ZMIZ1: variants seen among roughly 807,000 people sequenced by gnomAD.
The protein encoded by ZMIZ1 is zinc finger MIZ-type containing 1.
Under a neutral mutation model 113.9 loss-of-function variants are expected in ZMIZ1, and 17 were observed. The ratio of observed to expected loss-of-function variants is 0.15; its 90% CI spans 0.10 to 0.22. ZMIZ1 has a LOEUF of 0.22. Among genes scored for constraint, ZMIZ1 ranks in the 10% least tolerant of loss-of-function variants. The pLI, the probability that ZMIZ1 is intolerant of heterozygous loss-of-function variation, is 1.00. For synonymous variants in ZMIZ1, 607 were observed against 603.1 expected (o/e 1.01, Z -0.09); for missense variants, 1,059 against 1,477.8 (o/e 0.72, Z 4.65).
At chr10:79,095,965 G>A (rs914348069) in intron 1 of ZMIZ1, among the ~76,000 whole-genome samples, 12 of 152,212 alleles carry the variant, frequency 7.9e-5, no homozygotes, top group African/African-American at 2.9e-4. Flanking sequence ...GAGGCAGGTG[G>A]GGCCACAGGC....
intron 24 of ZMIZ1, among the ~76,000 whole-genome samples, chr10:79,311,443 C>G (rs2132112202): frequency 6.6e-6 from 1 of 152,312 alleles, no homozygotes; most frequent in Non-Finnish European, 1.5e-5. Context: ...GACCCACCTT[C>G]TGACCCAAGC....
chr10:79,124,861 A>G (rs982655891), intron 2 of ZMIZ1, among the ~76,000 whole-genome samples: 1 of 152,196 alleles, frequency 6.6e-6, no homozygotes, highest in Non-Finnish European at 1.5e-5. Context: ...AGGGCCTTGA[A>G]TGCTAGGCCA....
intron 7 of ZMIZ1, chr10:79,243,664 C>CGCCGCG (rs1227740435): frequency 3.3e-6 from 1 of 300,766 alleles, no homozygotes; most frequent in Non-Finnish European, 6.6e-6. Flanking sequence ...CGGAGTCGCT[C>CGCCGCG]GCCGCGGCCG....
chr10:79,306,832 C>A (rs1032527041), intron 22 of ZMIZ1, among the ~76,000 whole-genome samples: 22 of 152,308 alleles, frequency 1.4e-4, no homozygotes, highest in African/African-American at 5.1e-4. Context: ...GATCTTAGGT[C>A]CCCATGAGAG....
intron 7 of ZMIZ1, among the ~76,000 whole-genome samples, chr10:79,266,584 A>C (rs1436018854): frequency 6.6e-6 from 1 of 152,138 alleles, no homozygotes; most frequent in East Asian, 1.9e-4. Context: ...ACAGAAGCAC[A>C]CACATGGCCC....
chr10:79,111,480 G>T (rs1051590546), intron 1 of ZMIZ1, among the ~76,000 whole-genome samples: 3 of 152,204 alleles, frequency 2.0e-5, no homozygotes, highest in Admixed American at 2.0e-4. Flanking sequence ...CCAAAGAGCA[G>T]AGTCTTTCCT....
Position 79,306,387 on chromosome 10 carries a change from C to T in ZMIZ1, c.2668+43C>T, listed in dbSNP as rs1214002018. 8.2e-6 allele frequency: 13 copies of T among 1,594,612 alleles called. No homozygotes were observed. In the East Asian group the frequency reaches 2.7e-4, roughly 33 times the overall value. On this transcript the variant is annotated intron_variant, in intron 22 of 24. Coordinates refer to ENST00000334512, the MANE Select transcript of ZMIZ1 (RefSeq NM_020338.4). ...GGGAGGAAGGGAGAAGGAGGGCAGCCCCAAGTCCCTGCAGAGGCACAGAAT... is the reference window on the plus strand; with the variant it reads ...GGGAGGAAGGGAGAAGGAGGGCAGCTCCAAGTCCCTGCAGAGGCACAGAAT...
intron 4 of ZMIZ1, among the ~76,000 whole-genome samples, chr10:79,168,082 A>G (rs1394495732): frequency 6.6e-6 from 1 of 152,106 alleles, no homozygotes; most frequent in Non-Finnish European, 1.5e-5. Flanking sequence ...AGAGCCCTCT[A>G]CCCTCTGGAG....
At chr10:79,142,412 G>A (rs546287785) in intron 3 of ZMIZ1, among the ~76,000 whole-genome samples, 1 of 152,264 alleles carries the variant, frequency 6.6e-6, no homozygotes, top group East Asian at 1.9e-4. Flanking sequence ...CAGCCGTTTA[G>A]GGGAGTGAGT....
intron 7 of ZMIZ1, 33 bp downstream of exon 7, chr10:79,216,307 TG>T: frequency 6.4e-7 from 1 of 1,553,520 alleles, no homozygotes; most frequent in Non-Finnish European, 8.7e-7. Flanking sequence ...GCGATGTCAC[TG>T]GGAGGTGGGG....
chr10:79,134,561 G>T (rs1412738032), intron 2 of ZMIZ1, among the ~76,000 whole-genome samples: 2 of 152,214 alleles, frequency 1.3e-5, no homozygotes, highest in African/African-American at 2.4e-5. Flanking sequence ...TCCCTGGGCA[G>T]CCCTGGGCTT....
intron 4 of ZMIZ1, among the ~76,000 whole-genome samples, chr10:79,178,291 G>C (rs1846956442): frequency 6.6e-6 from 1 of 152,184 alleles, no homozygotes; most frequent in African/African-American, 2.4e-5. Flanking sequence ...CTGCTACCAA[G>C]GCACTGCTTA....
chr10:79,284,510 C>T (rs758494158), intron 8 of ZMIZ1, among the ~76,000 whole-genome samples: 1 of 152,222 alleles, frequency 6.6e-6, no homozygotes, highest in Non-Finnish European at 1.5e-5. Context: ...TCCTAGGCCA[C>T]TTTCATTGTA....
rs776987089 is a variant in ZMIZ1 at position 79,293,603 on chromosome 10, C to T, written c.1180C>T (p.Arg394Trp). The change falls in exon 12 of 25, where the codon CGG becomes TGG. Residue 394 changes from arginine (R) to tryptophan (W), a missense_variant. Arg to Trp is a moderately radical substitution (Grantham distance 101). Transcript: ENST00000334512. The part of the protein sequence containing the change: ...RMPQQTYPGP[R>W]PQSLPIQNIK... ...GCCCCAGCAGACCTACCCGGGCCCC[C>T]GGCCCCAGTCCCTTCCTATTCAGAA... 4.3e-6 allele frequency: 7 copies of T among 1,613,030 alleles called. No individual in the cohort carries two copies. Among genetic ancestry groups the T allele is most frequent in the Non-Finnish European group, 5.1e-6 (6 of 1,180,040 alleles).
intron 7 of ZMIZ1, among the ~76,000 whole-genome samples, chr10:79,234,877 C>T (rs1849529752): frequency 6.6e-6 from 1 of 151,774 alleles, no homozygotes; most frequent in South Asian, 2.1e-4. Context: ...AGAGGTATGG[C>T]ATCTACACTA....
At chr10:79,300,696 G>T in intron 16 of ZMIZ1, 36 bp from the exon 17 acceptor site, 1 of 1,598,446 alleles carries the variant, frequency 6.3e-7, no homozygotes. Context: ...CAGCCCCCTG[G>T]CAGAGCTGCC....
chr10:79,108,191 G>T (rs1008847589), intron 1 of ZMIZ1, among the ~76,000 whole-genome samples: 2 of 152,190 alleles, frequency 1.3e-5, no homozygotes, highest in Non-Finnish European at 2.9e-5. Flanking sequence ...TAATTAATCA[G>T]CATCCACAGA....
At chr10:79,250,127 T>G (rs1440970410) in intron 7 of ZMIZ1, among the ~76,000 whole-genome samples, 1 of 152,236 alleles carries the variant, frequency 6.6e-6, no homozygotes, top group Non-Finnish European at 1.5e-5. Flanking sequence ...TCAGGTGGAT[T>G]CATCCCCTCG....
intron 6 of ZMIZ1, among the ~76,000 whole-genome samples, chr10:79,212,285 G>C (rs971284921): frequency 2.0e-4 from 30 of 152,040 alleles, no homozygotes; most frequent in African/African-American, 6.3e-4. Context: ...AGCCTCCTGG[G>C]TAACTGGGAC....
Sources: allele counts gnomAD v4.1 joint callset (sites outside exome capture counted in the v4.1 genomes callset), GRCh38; gene constraint gnomAD v4.1.1; transcripts MANE v1.5; gene names NCBI Gene and HGNC (gene_info 2026-07-23, HGNC 2026-07-21).